TMEM185A: variants seen among roughly 807,000 people sequenced by gnomAD.
TMEM185A encodes the protein transmembrane protein 185A.
Under a neutral mutation model 25.0 loss-of-function variants are expected in TMEM185A, and 9 were observed. The observed-to-expected ratio is 0.36, with a 90% CI of 0.22 to 0.63. The LOEUF (loss-of-function observed/expected upper bound fraction) is 0.63, where lower values mean the gene tolerates loss of function less well. Ranked by LOEUF, TMEM185A falls within the 20% of genes least tolerant of loss-of-function variation. The pLI is 0.68. For missense variants in TMEM185A, 103 were observed against 237.4 expected (o/e 0.43, Z 3.72); for synonymous variants, 45 against 93.5 (o/e 0.48, Z 2.99).
intron 3 of TMEM185A, among the ~76,000 whole-genome samples, chrX:149,607,123 C>T (rs1557353638): frequency 8.9e-6 from 1 of 111,802 alleles, no homozygotes; most frequent in Non-Finnish European, 1.9e-5. Context: ...TGCTCTAGGT[C>T]CCATTCTCCC....
At chrX:149,629,488 T>A (rs191718895) in intron 1 of TMEM185A, among the ~76,000 whole-genome samples, 127 of 111,864 alleles carry the variant, frequency 1.1e-3, no homozygotes, top group African/African-American at 3.9e-3. Flanking sequence ...ACAAATCTGA[T>A]TTACCAATAA....
At chrX:149,629,355 T>C (rs2090179670) in intron 1 of TMEM185A, among the ~76,000 whole-genome samples, 1 of 111,621 alleles carries the variant, frequency 9.0e-6, no homozygotes. Flanking sequence ...GGTAACTTCC[T>C]GTGTACACCC....
rs188692190 is a variant in TMEM185A, at chrX:149,630,968, G to A, written c.38+575C>T. Among the ~76,000 whole-genome samples, 159 of 111,373 alleles carry A rather than the reference G, an allele frequency of 1.4e-3. 2 individuals carry two copies. The highest frequency in any genetic ancestry group is 9.3e-3 in the Middle Eastern group (2 of 216). ...AGAAAATGAGTATGGAAAATGATCA[G>A]GCTCACCCAGAAATGCATTATATAA... On this transcript the variant is annotated intron_variant, in intron 1 of 6. Transcript: ENST00000600449.
Position 149,608,832 on chromosome X carries a change from G to A in TMEM185A, c.218C>T (p.Ala73Val). The A allele has an allele frequency of 8.3e-7, 1 of 1,208,560 alleles. No individual in the cohort carries two copies. The highest frequency in any genetic ancestry group is 1.1e-6 in the Non-Finnish European group (1 of 893,420). ...AAACTCCACACACGTTTCTCCTTCT[G>A]CTCTAAAAAAGGGAGAGAAGAAGAA... ...GVWARNPQYR[A>V]EGETCVEFKA... is the part of the protein sequence containing the mutation. The change falls in exon 3 of 7, where the codon GCA becomes GTA. Residue 73 changes from alanine to valine, a missense_variant and splice_region_variant. By Grantham distance (64) the Ala-to-Val change is moderately conservative (BLOSUM62 0). This residue lies in a region of TMEM185A where 102 missense variants were observed against 125.7 expected (regional missense o/e 0.81). Transcript: ENST00000600449.
At chrX:149,627,898 T>C (rs1557356212) in intron 1 of TMEM185A, among the ~76,000 whole-genome samples, 1 of 112,406 alleles carries the variant, frequency 8.9e-6, no homozygotes, top group Non-Finnish European at 1.9e-5. Flanking sequence ...AGAGGCCAGG[T>C]AGCTGACTTT....
At position 149,631,791 on chromosome X, in the gene TMEM185A, C is replaced by G. The variant is rs1281540469; in HGVS notation, c.-211G>C. The G allele has an allele frequency of 3.4e-6, 1 of 289,856 alleles. No individual in the cohort carries two copies. The highest frequency in any genetic ancestry group is 5.8e-6 in the Non-Finnish European group (1 of 172,231). The allele number at this position is 289,856 out of a possible 1,213,427, so 23.9% of individuals were successfully genotyped here. ...CGCCGCCGCCGCCGCCCGGAGAAACCTGAGCCACCGCCCCCTGCCCCTCCT... is the reference window on the plus strand; with the variant it reads ...CGCCGCCGCCGCCGCCCGGAGAAACGTGAGCCACCGCCCCCTGCCCCTCCT... On this transcript the variant is annotated 5_prime_UTR_variant, in exon 1 of 7. Transcript: ENST00000600449.
intron 1 of TMEM185A, among the ~76,000 whole-genome samples, chrX:149,623,273 A>C (rs2090148288): frequency 9.0e-6 from 1 of 111,671 alleles, no homozygotes; most frequent in South Asian, 3.7e-4. Flanking sequence ...GGAATAAGCC[A>C]GAAGTTGGCT....
At chrX:149,619,863 T>G (rs1366055604) in intron 1 of TMEM185A, among the ~76,000 whole-genome samples, 1 of 112,194 alleles carries the variant, frequency 8.9e-6, no homozygotes, top group Non-Finnish European at 1.9e-5. Flanking sequence ...TAGTATTCCA[T>G]GGTGTATATG....
chrX:149,605,754 A>C (rs888709632), intron 3 of TMEM185A, among the ~76,000 whole-genome samples: 1 of 112,043 alleles, frequency 8.9e-6, no homozygotes, highest in Non-Finnish European at 1.9e-5. Flanking sequence ...CTGCCTAGTG[A>C]GGCCTTCTTC....
At chrX:149,603,541 A>C (rs1283637342) in intron 4 of TMEM185A, among the ~76,000 whole-genome samples, 1 of 112,208 alleles carries the variant, frequency 8.9e-6, no homozygotes, top group African/African-American at 3.2e-5. Context: ...CTAAGAAAAC[A>C]ACCAAAAAAC....
chrX:149,621,293 AAG>A (rs1557355513), intron 1 of TMEM185A, among the ~76,000 whole-genome samples: 1 of 111,727 alleles, frequency 9.0e-6, no homozygotes, highest in Admixed American at 9.5e-5. Context: ...TTAATAAAAA[AAG>A]AGAGTAGTGG....
chrX:149,628,122 C>T (rs1241085589), intron 1 of TMEM185A, among the ~76,000 whole-genome samples: 1 of 111,709 alleles, frequency 9.0e-6, no homozygotes, highest in Non-Finnish European at 1.9e-5. Context: ...AGGGATACAC[C>T]ACACTCCCAT....
At chrX:149,603,810 G>A in intron 4 of TMEM185A, 177 bp downstream of exon 4, 1 of 378,889 alleles carries the variant, frequency 2.6e-6, no homozygotes, top group Non-Finnish European at 4.6e-6. Flanking sequence ...TATCCAAACT[G>A]TTTGTATAAA....
In TMEM185A at chrX:149,608,842, A is replaced by C. The variant is rs2090066848; in HGVS notation, c.216-8T>G. The C allele has an allele frequency of 1.7e-6, 2 of 1,204,184 alleles. No homozygotes were observed. Among genetic ancestry groups the C allele is most frequent in the African/African-American group, 3.5e-5 (2 of 57,062 alleles). ...CACGTTTCTCCTTCTGCTCTAAAAA[A>C]GGGAGAGAAGAAGAAAACACCCTCA... On this transcript the variant is annotated splice_polypyrimidine_tract_variant and splice_region_variant and intron_variant, in intron 2 of 6. Transcript: ENST00000600449.
At chrX:149,619,439 TTTC>T (rs2090127721) in intron 1 of TMEM185A, among the ~76,000 whole-genome samples, 1 of 111,196 alleles carries the variant, frequency 9.0e-6, no homozygotes, top group Admixed American at 9.5e-5. Flanking sequence ...CTTCCTGCAC[TTTC>T]TTTTTTTGTG....
chrX:149,603,149 C>T (rs1258526478), intron 4 of TMEM185A, among the ~76,000 whole-genome samples: 1 of 111,869 alleles, frequency 8.9e-6, no homozygotes, highest in Non-Finnish European at 1.9e-5. Flanking sequence ...TCTCTAATTT[C>T]TACCTTGCCA....
intron 3 of TMEM185A, among the ~76,000 whole-genome samples, 182 bp from the exon 4 acceptor site, chrX:149,604,252 G>A (rs965881755): frequency 1.6e-4 from 17 of 104,292 alleles, no homozygotes; most frequent in African/African-American, 6.4e-4. Flanking sequence ...ATGGCAAGGG[G>A]AAATGGGGCT....
chrX:149,621,854 A>G lies in TMEM185A; in HGVS notation c.38+9689T>C, dbSNP rs187016969. On this transcript the variant is annotated intron_variant, in intron 1 of 6. Transcript: ENST00000600449. ...CCTCTTCTATATTTAAGGGCCCTGT[A>G]ATTACATTGGGCTCAGCCAGAGAAT... Among the ~76,000 whole-genome samples the G allele has an allele frequency of 5.4e-5, 6 of 111,978 alleles. No homozygotes were observed. In the East Asian group the frequency reaches 1.7e-3, roughly 31 times the overall value.
chrX:149,604,725 C>A (rs1602857671), intron 3 of TMEM185A, among the ~76,000 whole-genome samples: 3 of 111,781 alleles, frequency 2.7e-5, no homozygotes, highest in African/African-American at 9.8e-5. Context: ...ATCTACCATT[C>A]CCAGCTTCCT....
Sources: allele counts gnomAD v4.1 joint callset (sites outside exome capture counted in the v4.1 genomes callset), GRCh38; gene constraint gnomAD v4.1.1; regional missense constraint gnomAD v4.1.1; transcripts MANE v1.5; gene names NCBI Gene and HGNC (gene_info 2026-07-23, HGNC 2026-07-21).